The following PLEKHH1 variants were observed in gnomAD, a reference collection of about 807,000 sequenced individuals.
PLEKHH1 encodes the protein pleckstrin homology domain-containing family H member 1.
A neutral mutation model predicts 160.0 loss-of-function variants in PLEKHH1; 104 were observed. The observed-to-expected ratio is 0.65, with a 90% CI of 0.55 to 0.76. PLEKHH1 has a LOEUF of 0.76. Among genes scored for constraint, PLEKHH1 ranks in the 30% least tolerant of loss-of-function variants. The probability of loss-of-function intolerance (pLI) is 0.00; values close to 1 mark genes in which losing one functional copy is unlikely to be tolerated. For missense variants in PLEKHH1, 1,427 were observed against 1,724.1 expected, an observed-to-expected ratio of 0.83 and a Z score of 3.05; for synonymous variants, 619 against 678.4, an observed-to-expected ratio of 0.91 and a Z score of 1.36.
In PLEKHH1 at chr14:67,578,769, A is replaced by G. The variant is rs1220051671; in HGVS notation, c.2849+138A>G. The G allele has an allele frequency of 2.9e-6, 2 of 681,558 alleles. No homozygotes were observed. Among genetic ancestry groups the G allele is most frequent in the African/African-American group, 1.8e-5 (1 of 56,828 alleles). The allele number at this position is 681,558 out of a possible 1,614,324, so 42.2% of individuals were successfully genotyped here. On this transcript the variant is annotated intron_variant, in intron 20 of 28. Coordinates refer to ENST00000329153, the MANE Select transcript of PLEKHH1 (RefSeq NM_020715.3). The surrounding 1 kb of genome is among the most constrained non-coding windows in gnomAD (Gnocchi z 5.0). Reference sequence around the variant, plus strand: ...CTCAGTGGTCGTGGAGACTTCACCCATTGCCGTGTGCACAAATGGGCACGT... The same window carrying G: ...CTCAGTGGTCGTGGAGACTTCACCCGTTGCCGTGTGCACAAATGGGCACGT...
intron 2 of PLEKHH1, among the ~76,000 whole-genome samples, chr14:67,551,419 G>A (rs1179316218): frequency 6.6e-6 from 1 of 152,152 alleles, no homozygotes; most frequent in Admixed American, 6.5e-5. Flanking sequence ...GGGGCAGCTT[G>A]TGGAATCTTC....
At chr14:67,577,149 C>T (rs939752510) in intron 17 of PLEKHH1, among the ~76,000 whole-genome samples, 153 bp from the exon 18 acceptor site, 1 of 152,148 alleles carries the variant, frequency 6.6e-6, no homozygotes, top group African/African-American at 2.4e-5. Flanking sequence ...ACCTGTACAC[C>T]CCACACTCTA....
chr14:67,577,999 G>T (rs1325198565), intron 18 of PLEKHH1, 24 bp from the exon 19 acceptor site: 1 of 1,606,138 alleles, frequency 6.2e-7, no homozygotes, highest in South Asian at 1.1e-5. Context: ...TGGTCTGCCT[G>T]TGCTCACTGC....
At position 67,569,947 on chromosome 14, in the gene PLEKHH1, C is replaced by T; in HGVS notation, c.1369C>T (p.Pro457Ser). The change falls in exon 9 of 29, where the codon CCT becomes TCT. Residue 457 changes from proline to serine, a missense_variant. Transcript: ENST00000329153. ...TTCAAGCCCTCCTGCCCTTGTTTCC[C>T]CTGGGTCTTTCTCTGGCCTGGTCTA... ...CASSPPALVS[P>S]GSFSGLVYKN... 6.2e-7 allele frequency: 1 copy of T among 1,610,176 alleles called. No individual in the cohort carries two copies. Among genetic ancestry groups the T allele is most frequent in the East Asian group, 2.2e-5 (1 of 44,838 alleles).
intron 2 of PLEKHH1, among the ~76,000 whole-genome samples, chr14:67,542,218 T>G (rs369519738): frequency 3.3e-5 from 5 of 152,354 alleles, no homozygotes; most frequent in African/African-American, 1.2e-4. Flanking sequence ...AAAGACATGC[T>G]GCCAATCTTC....
chr14:67,571,693 G>T, intron 9 of PLEKHH1, 59 bp from the exon 10 acceptor site: 1 of 1,571,290 alleles, frequency 6.4e-7, no homozygotes. Context: ...CAAGCTGCAG[G>T]GTTGGGAGAG....
chr14:67,589,365 C>CAA lies in PLEKHH1; in HGVS notation c.*2132_*2133dup. 1 of 984,328 alleles carries CAA rather than the reference C, an allele frequency of 1.0e-6. No homozygotes were observed. Among genetic ancestry groups the CAA allele is most frequent in the African/African-American group, 1.7e-5 (1 of 57,302 alleles). 61.0% of individuals were successfully genotyped at this position (984,328 alleles called of 1,614,324 possible). ...ACATGAGAGTCCCATGTCTGAAAAC[C>CAA]AAAGTCCAATTTCTGTCTGGCCTTT... is the stretch of plus-strand genomic sequence containing the variant. On this transcript the variant is annotated 3_prime_UTR_variant, in exon 29 of 29. Transcript: ENST00000329153.
At position 67,578,127 on chromosome 14, in the gene PLEKHH1, G is replaced by A. The variant is rs766872290; in HGVS notation, c.2679G>A (p.Leu893=). Residue 893 remains leucine (L), a synonymous_variant, in exon 19 of 29, where the codon CTG becomes CTA. Transcript: ENST00000329153. This position sits in a 1 kb window ranked among gnomAD's most constrained non-coding sequence, Gnocchi z 5.0. The part of the protein sequence containing the change: ...ALQVCLVHPE[L]QSEIYCQLMK... Reference sequence around the variant, plus strand: ...AGGTCTGCCTGGTTCACCCCGAGCTGCAGAGTGAGATCTACTGCCAACTCA... The same window carrying A: ...AGGTCTGCCTGGTTCACCCCGAGCTACAGAGTGAGATCTACTGCCAACTCA... 3 of 1,613,894 alleles carry A rather than the reference G, an allele frequency of 1.9e-6. No individual in the cohort carries two copies. The highest frequency in any genetic ancestry group is 3.3e-5 in the Admixed American group (2 of 60,024).
rs2035944447 is a variant in PLEKHH1 at position 67,582,402 on chromosome 14, T to A, written c.3426+192T>A. 1.1e-6 allele frequency: 1 copy of A among 901,924 alleles called. No individual in the cohort carries two copies. Among genetic ancestry groups the A allele is most frequent in the African/African-American group, 1.7e-5 (1 of 59,990 alleles). The allele number at this position is 901,924 out of a possible 1,614,324, so 55.9% of individuals were successfully genotyped here. A position where few individuals can be genotyped will look rare whatever the true frequency, so the allele number is the denominator to read the frequency against. On this transcript the variant is annotated intron_variant, in intron 24 of 28. Coordinates refer to ENST00000329153, the MANE Select transcript of PLEKHH1 (RefSeq NM_020715.3). The surrounding 1 kb of genome is among the most constrained non-coding windows in gnomAD (Gnocchi z 5.0). ...TCACTCACCGCAGATATAGGATGCGTGCAGATGGCTGGACTTGGAATCCAG... is the reference window on the plus strand; with the variant it reads ...TCACTCACCGCAGATATAGGATGCGAGCAGATGGCTGGACTTGGAATCCAG...
In PLEKHH1 at chr14:67,573,845, C is replaced by T; in HGVS notation, c.1884C>T (p.Ser628=). The change falls in exon 13 of 29, where the codon TCC becomes TCT. Residue 628 remains serine, a synonymous_variant. Coordinates refer to ENST00000329153, the MANE Select transcript of PLEKHH1 (RefSeq NM_020715.3). The surrounding 1 kb of genome is among the most constrained non-coding windows in gnomAD (Gnocchi z 4.8). The part of the protein sequence containing the change: ...RKPQGQVDLN[S]RCQIVRGEGS... Reference sequence around the variant, plus strand: ...CTCAAGGCCAAGTGGATCTGAACTCCCGCTGCCAAATTGTTCGAGGGGAGG... The same window carrying T: ...CTCAAGGCCAAGTGGATCTGAACTCTCGCTGCCAAATTGTTCGAGGGGAGG... The T allele has an allele frequency of 6.2e-7, 1 of 1,613,814 alleles. No homozygotes were observed. Among genetic ancestry groups the T allele is most frequent in the South Asian group, 1.1e-5 (1 of 91,080 alleles).
chr14:67,562,026 G>A lies in PLEKHH1; in HGVS notation c.496G>A (p.Ala166Thr). 1.2e-6 allele frequency: 2 copies of A among 1,613,136 alleles called. No homozygotes were observed. Among genetic ancestry groups the A allele is most frequent in the Non-Finnish European group, 1.7e-6 (2 of 1,179,110 alleles). The change falls in exon 6 of 29, where the codon GCG (alanine) becomes ACG (threonine). Residue 166 changes from alanine to threonine, a missense_variant. Ala to Thr is a moderately conservative substitution (Grantham distance 58, BLOSUM62 0). Coordinates refer to ENST00000329153, the MANE Select transcript of PLEKHH1 (RefSeq NM_020715.3). ...LVEQVGSLQD[A>T]LEAIQIAPSR... ...GGAGCAGGTGGGATCCCTTCAAGAT[G>A]CGCTAGAAGGTAGGCAGGCCAGGGT...
rs920417023 is a variant in PLEKHH1, at chr14:67,559,529, T to G, written c.340-79T>G. On this transcript the variant is annotated intron_variant, in intron 4 of 28. Transcript: ENST00000329153. ...GGTCAGTGGCACGCACACTTGGCCTTTCTTGGGGTTTCCCACCTCCAGTCA... is the reference window on the plus strand; with the variant it reads ...GGTCAGTGGCACGCACACTTGGCCTGTCTTGGGGTTTCCCACCTCCAGTCA... The G allele has an allele frequency of 8.1e-6, 8 of 983,172 alleles. No homozygotes were observed. The African/African-American group carries it at 1.1e-4, about 14-fold the overall frequency. The allele number at this position is 983,172 out of a possible 1,614,324, so 60.9% of individuals were successfully genotyped here. A position where few individuals can be genotyped will look rare whatever the true frequency, so the allele number is the denominator to read the frequency against.
rs887089262 is a variant in PLEKHH1, at chr14:67,573,713, A to G, written c.1840-88A>G. The G allele has an allele frequency of 9.2e-6, 8 of 869,106 alleles. No homozygotes were observed. In the African/African-American group the frequency reaches 1.2e-4, roughly 13 times the overall value. The allele number at this position is 869,106 out of a possible 1,614,324, so 53.8% of individuals were successfully genotyped here. On this transcript the variant is annotated intron_variant, in intron 12 of 28. Transcript: ENST00000329153. This position sits in a 1 kb window ranked among gnomAD's most constrained non-coding sequence, Gnocchi z 4.8. ...CTGGGAATCATGTTTCCCTTTGCTTATGACGTGGAGGAAGATCTGAGGGTA... is the reference window on the plus strand; with the variant it reads ...CTGGGAATCATGTTTCCCTTTGCTTGTGACGTGGAGGAAGATCTGAGGGTA...
chr14:67,535,623 G>A (rs996230319), intron 1 of PLEKHH1, among the ~76,000 whole-genome samples: 10 of 151,980 alleles, frequency 6.6e-5, no homozygotes, highest in East Asian at 3.9e-4. Context: ...CAGGTAAGCC[G>A]CCTGCCTCCA....
At chr14:67,560,919 C>T (rs1024562887) in intron 5 of PLEKHH1, among the ~76,000 whole-genome samples, 5 of 151,954 alleles carry the variant, frequency 3.3e-5, no homozygotes, top group African/African-American at 9.7e-5. Context: ...TTGGTAGAGA[C>T]GGGGTTTCGT....
intron 1 of PLEKHH1, among the ~76,000 whole-genome samples, chr14:67,538,026 C>T (rs919740238): frequency 1.3e-5 from 2 of 152,126 alleles, no homozygotes; most frequent in African/African-American, 4.8e-5. Flanking sequence ...AACAGCTGAT[C>T]GTAATTTTAG....
At chr14:67,558,338 C>T (rs752529772) in intron 4 of PLEKHH1, among the ~76,000 whole-genome samples, 1 of 152,198 alleles carries the variant, frequency 6.6e-6, no homozygotes, top group Non-Finnish European at 1.5e-5. Context: ...GCCTTCCAAC[C>T]ATAATGGGCA....
Position 67,574,118 on chromosome 14 carries a change from G to A in PLEKHH1, c.1927-124G>A. On this transcript the variant is annotated intron_variant, in intron 13 of 28. Transcript: ENST00000329153. The surrounding 1 kb of genome is among the most constrained non-coding windows in gnomAD (Gnocchi z 4.2). The stretch of plus-strand genomic sequence containing the variant: ...AAAGATGAGGAGGAAAAGAAAGGAG[G>A]GAGCACTAGGGCAGGCAGAAGGCCA... 1 of 798,240 alleles carries A rather than the reference G, an allele frequency of 1.3e-6. No individual in the cohort carries two copies. The highest frequency in any genetic ancestry group is 2.0e-6 in the Non-Finnish European group (1 of 504,904). The allele number at this position is 798,240 out of a possible 1,614,324, so 49.4% of individuals were successfully genotyped here.
intron 1 of PLEKHH1, among the ~76,000 whole-genome samples, chr14:67,535,703 A>G (rs992474900): frequency 3.9e-5 from 6 of 152,124 alleles, no homozygotes; most frequent in African/African-American, 1.2e-4. Context: ...TTTGGGCCAC[A>G]TCTCCTTTTA....
Sources: gnomAD v4.1 joint callset for allele counts (sites outside exome capture counted in the v4.1 genomes callset) on GRCh38, gnomAD v4.1.1 for gene constraint, Gnocchi (gnomAD v3.1) non-coding constraint, MANE v1.5 for transcripts, NCBI Gene and HGNC (gene_info 2026-07-23, HGNC 2026-07-21) for gene names.